AKNAD1: variants seen among roughly 807,000 people sequenced by gnomAD.
AKNAD1 encodes AKNA domain containing 1, also known as protein AKNAD1.
A neutral mutation model predicts 90.8 loss-of-function variants in AKNAD1; 67 were observed. The ratio of observed to expected loss-of-function variants is 0.74; its 90% CI spans 0.61 to 0.90. The LOEUF is 0.90. Among genes scored for constraint, AKNAD1 ranks in the 40% least tolerant of loss-of-function variants. The pLI, the probability that AKNAD1 is intolerant of heterozygous loss-of-function variation, is 0.00. For missense variants in AKNAD1, 957 were observed against 975.4 expected, an observed-to-expected ratio of 0.98 and a Z score of 0.25; for synonymous variants, 327 against 341.4, an observed-to-expected ratio of 0.96 and a Z score of 0.46.
chr1:108,822,452 A>C (rs971813981), intron 13 of AKNAD1, among the ~76,000 whole-genome samples: 1 of 152,228 alleles, frequency 6.6e-6, no homozygotes, highest in Non-Finnish European at 1.5e-5. Flanking sequence ...GAGATAGTGA[A>C]GAAATCTGTC....
At chr1:108,816,649 G>C (rs1570785583) in intron 15 of AKNAD1, among the ~76,000 whole-genome samples, 2 of 152,226 alleles carry the variant, frequency 1.3e-5, no homozygotes, top group East Asian at 1.9e-4. Context: ...CCACTGAGAG[G>C]GTATTCAGGG....
chr1:108,849,216 C>T (rs1194112078), intron 3 of AKNAD1, among the ~76,000 whole-genome samples, 156 bp from the exon 4 acceptor site: 1 of 152,122 alleles, frequency 6.6e-6, no homozygotes. Flanking sequence ...CACAGTGGCT[C>T]ACACCTGTAA....
chr1:108,820,384 A>G (rs1298609397), intron 14 of AKNAD1, among the ~76,000 whole-genome samples, 161 bp downstream of exon 14: 1 of 152,254 alleles, frequency 6.6e-6, no homozygotes, highest in Admixed American at 6.5e-5. Context: ...TTGAATAAAC[A>G]AATGAATGAT....
intron 8 of AKNAD1, 138 bp from the exon 9 acceptor site, chr1:108,834,666 C>T: frequency 1.1e-6 from 1 of 917,358 alleles, no homozygotes; most frequent in Non-Finnish European, 1.6e-6. Context: ...GTGCTATGGG[C>T]CTCATGCGGC....
Position 108,853,709 on chromosome 1 carries a change from G to A in AKNAD1, c.-103-942C>T, listed in dbSNP as rs892980582. On this transcript the variant is annotated intron_variant, in intron 1 of 15. Transcript: ENST00000370001. ...AGCACTTTGGGAGGCTGAGGCAAGC[G>A]GATCACCTGAGGTCAGGAGTTCGAG... 5.9e-5 allele frequency among the ~76,000 whole-genome samples: 9 copies of A among 151,956 alleles called. No individual in the cohort carries two copies. In the South Asian group the frequency reaches 6.2e-4, roughly 11 times the overall value.
Position 108,834,445 on chromosome 1 carries a change from AC to A in AKNAD1, c.1746+1del, listed in dbSNP as rs758746413. 1.3e-5 allele frequency: 21 copies of A among 1,606,514 alleles called. No homozygotes were observed. Among genetic ancestry groups the A allele is most frequent in the Admixed American group, 1.7e-5 (1 of 59,140 alleles). On this transcript the variant is annotated splice_donor_variant, in intron 9 of 15. Coordinates refer to ENST00000370001, the MANE Select transcript of AKNAD1 (RefSeq NM_152763.5). LOFTEE classifies it high-confidence loss of function. ...AGCCAGGCCCCGGCTGCAGGACATTACCCCAGAGTTAGAAGACAGCCTCATG... is the reference window on the plus strand; with the variant it reads ...AGCCAGGCCCCGGCTGCAGGACATTACCCAGAGTTAGAAGACAGCCTCATG...
chr1:108,817,294 T>C (rs1476674993), intron 14 of AKNAD1, 117 bp from the exon 15 acceptor site: 2 of 1,313,280 alleles, frequency 1.5e-6, no homozygotes, highest in African/African-American at 1.5e-5. Context: ...GGTGGATTCG[T>C]GCACCCGCTG....
intron 5 of AKNAD1, among the ~76,000 whole-genome samples, chr1:108,847,742 G>T (rs1258726160): frequency 1.3e-5 from 2 of 152,188 alleles, no homozygotes; most frequent in African/African-American, 4.8e-5. Context: ...GCTCAGAAGT[G>T]ACTTCCAGGA....
chr1:108,845,632 T>C (rs981350492), intron 5 of AKNAD1, among the ~76,000 whole-genome samples: 19 of 152,366 alleles, frequency 1.2e-4, no homozygotes, highest in Admixed American at 8.5e-4. Context: ...ATCTGGTCCC[T>C]GCCAGAACCC....
At chr1:108,847,576 C>T (rs1433647210) in intron 5 of AKNAD1, among the ~76,000 whole-genome samples, 3 of 151,792 alleles carry the variant, frequency 2.0e-5, no homozygotes, top group South Asian at 2.1e-4. Context: ...CATGTCACCA[C>T]GTGCTCCCAA....
intron 5 of AKNAD1, among the ~76,000 whole-genome samples, chr1:108,844,316 T>C (rs942660989): frequency 5.9e-5 from 9 of 151,688 alleles, no homozygotes; most frequent in African/African-American, 2.2e-4. Flanking sequence ...TGAGCCAAGA[T>C]TGCACCACTG....
chr1:108,852,717 A>G lies in AKNAD1; in HGVS notation c.-53T>C, dbSNP rs1197783911. The G allele has an allele frequency of 6.6e-7, 1 of 1,507,564 alleles. No homozygotes were observed. Among genetic ancestry groups the G allele is most frequent in the African/African-American group, 1.4e-5 (1 of 71,560 alleles). 93.4% of individuals were successfully genotyped at this position (1,507,564 alleles called of 1,614,324 possible). On this transcript the variant is annotated 5_prime_UTR_variant, in exon 2 of 16. Coordinates refer to ENST00000370001, the MANE Select transcript of AKNAD1 (RefSeq NM_152763.5). ...TCTGCCTCCTGAGCTGGCTGCTGTC[A>G]GTTGTAACAATAGCTCTGGTTCTCA...
chr1:108,839,471 T>TAAAAAAAAAAAGAAAAAATAAA (rs1553203224), intron 6 of AKNAD1, among the ~76,000 whole-genome samples: 1 of 126,148 alleles, frequency 7.9e-6, no homozygotes, highest in African/African-American at 3.4e-5. Context: ...TCCGTCTCAA[T>TAAAAAAAAAAAGAAAAAATAAA]AAAAAAAAAA....
chr1:108,852,377 A>G lies in AKNAD1; in HGVS notation c.288T>C (p.His96=), dbSNP rs984002886. 1 of 1,613,976 alleles carries G rather than the reference A, an allele frequency of 6.2e-7. No individual in the cohort carries two copies. Among genetic ancestry groups the G allele is most frequent in the East Asian group, 2.2e-5 (1 of 44,900 alleles). ...EKEKQCTAAL[H]IPANEGDASK... ...AAGCGTCTCCTTCATTTGCTGGAATATGAAGAGCTGCAGTGCATTGTTTCT... is the reference window on the plus strand; with the variant it reads ...AAGCGTCTCCTTCATTTGCTGGAATGTGAAGAGCTGCAGTGCATTGTTTCT... The change falls in exon 2 of 16, where the codon CAT becomes CAC. Residue 96 remains histidine (H), a synonymous_variant. Coordinates refer to ENST00000370001, the MANE Select transcript of AKNAD1 (RefSeq NM_152763.5).
rs750005326 is a variant in AKNAD1 at position 108,830,634 on chromosome 1, G to T, written c.1763C>A (p.Thr588Asn). 6.2e-7 allele frequency: 1 copy of T among 1,614,150 alleles called. No individual in the cohort carries two copies. Among genetic ancestry groups the T allele is most frequent in the East Asian group, 2.2e-5 (1 of 44,874 alleles). The change falls in exon 10 of 16, where the codon ACT becomes AAT. Residue 588 changes from threonine (T) to asparagine (N), a missense_variant. Coordinates refer to ENST00000370001, the MANE Select transcript of AKNAD1 (RefSeq NM_152763.5). ...CTCTGCACAATCCTGCCTTCTTGGAGTGCCGTTGGGATCCTCCTGCGCCAC... is the reference window on the plus strand; with the variant it reads ...CTCTGCACAATCCTGCCTTCTTGGATTGCCGTTGGGATCCTCCTGCGCCAC... Reference protein sequence around the residue: ...SSNSGEDPNGTPRRQDCAEMT... With the variant: ...SSNSGEDPNGNPRRQDCAEMT...
chr1:108,857,826 C>T (rs1030820715), upstream of AKNAD1, among the ~76,000 whole-genome samples: 3 of 152,228 alleles, frequency 2.0e-5, no homozygotes, highest in East Asian at 5.8e-4. Flanking sequence ...CTGACTTTGT[C>T]ACGGTAAGAG....
intron 5 of AKNAD1, among the ~76,000 whole-genome samples, chr1:108,846,658 G>T (rs1487165834): frequency 6.6e-6 from 1 of 151,794 alleles, no homozygotes; most frequent in East Asian, 1.9e-4. Context: ...GTCTCTCCTG[G>T]GCCCTCTTCA....
Position 108,830,544 on chromosome 1 carries a change from A to G in AKNAD1, c.1838+15T>C, listed in dbSNP as rs2101178208. 6.2e-7 allele frequency: 1 copy of G among 1,613,324 alleles called. No individual in the cohort carries two copies. The highest frequency in any genetic ancestry group is 8.5e-7 in the Non-Finnish European group (1 of 1,179,648). On this transcript the variant is annotated intron_variant, in intron 10 of 15. Transcript: ENST00000370001. Reference sequence around the variant, plus strand: ...TCCAATCCACCCTGGGAATGTAGCCACAAGAAGCCCTCACCATTCAAGGAG... The same window carrying G: ...TCCAATCCACCCTGGGAATGTAGCCGCAAGAAGCCCTCACCATTCAAGGAG...
In AKNAD1 at chr1:108,823,586, C is replaced by G. The variant is rs866205366; in HGVS notation, c.2039G>C (p.Cys680Ser). The change falls in exon 12 of 16, where the codon TGC (cysteine) becomes TCC (serine). Residue 680 changes from cysteine (C) to serine (S), a missense_variant. Cys to Ser is a moderately radical substitution (Grantham distance 112). Coordinates refer to ENST00000370001, the MANE Select transcript of AKNAD1 (RefSeq NM_152763.5). ...GTKIPTSRRA[C>S]RKEPTKEFHY... ...GTTACCTTTAGTTGGTTCTTTCCTG[C>G]AGGCTCTTCGGGAGGTAGGAATCTT... 1.2e-6 allele frequency: 2 copies of G among 1,614,048 alleles called. No homozygotes were observed. Among genetic ancestry groups the G allele is most frequent in the Non-Finnish European group, 1.7e-6 (2 of 1,180,032 alleles).
Sources: gnomAD v4.1 joint callset for allele counts (sites outside exome capture counted in the v4.1 genomes callset) on GRCh38, gnomAD v4.1.1 for gene constraint, MANE v1.5 for transcripts, NCBI Gene and HGNC (gene_info 2026-07-23, HGNC 2026-07-21) for gene names.